Variants in LYN observed in about 807,000 individuals in gnomAD.
The protein encoded by LYN is tyrosine-protein kinase Lyn.
In LYN, 12 loss-of-function variants were observed where a neutral mutation model predicts 65.0. The observed-to-expected ratio is 0.18, with a 90% CI of 0.12 to 0.30. The LOEUF (loss-of-function observed/expected upper bound fraction) is 0.30, where lower values mean the gene tolerates loss of function less well. LYN is among the 10% of genes least tolerant of loss of function. The pLI is 1.00. For synonymous variants in LYN, 222 were observed against 221.2 expected, an observed-to-expected ratio of 1.00 and a Z score of -0.03; for missense variants, 380 against 623.2, an observed-to-expected ratio of 0.61 and a Z score of 4.16.
At position 56,012,012 on chromosome 8, in the gene LYN, A is replaced by G. The variant is rs781062725; in HGVS notation, c.*1902A>G. ...ATAACAAATTTATTTAAAGAAAATTATTAAATTTATCTTCGCCTTGTTTTG... is the reference window on the plus strand; with the variant it reads ...ATAACAAATTTATTTAAAGAAAATTGTTAAATTTATCTTCGCCTTGTTTTG... On this transcript the variant is annotated 3_prime_UTR_variant, in exon 13 of 13. Coordinates refer to ENST00000519728, the MANE Select transcript of LYN (RefSeq NM_002350.4). 6.4e-5 allele frequency: 12 copies of G among 188,492 alleles called. No individual in the cohort carries two copies. The highest frequency in any genetic ancestry group is 1.3e-4 in the Non-Finnish European group (12 of 89,670). The allele number at this position is 188,492 out of a possible 1,614,324, so 11.7% of individuals were successfully genotyped here. A position where few individuals can be genotyped will look rare whatever the true frequency, so the allele number is the denominator to read the frequency against.
At chr8:55,985,945 T>C (rs1322770666) in intron 10 of LYN, among the ~76,000 whole-genome samples, 1 of 152,090 alleles carries the variant, frequency 6.6e-6, no homozygotes, top group African/African-American at 2.4e-5. Flanking sequence ...GGCAGGAGGA[T>C]CAGTTGAACC....
chr8:55,988,098 A>G (rs1222965086), intron 10 of LYN, among the ~76,000 whole-genome samples: 1 of 152,254 alleles, frequency 6.6e-6, no homozygotes, highest in Non-Finnish European at 1.5e-5. Flanking sequence ...ACAAGAATGC[A>G]TGAGCTCTCT....
chr8:55,900,143 G>GCCC (rs1805219863), intron 1 of LYN, among the ~76,000 whole-genome samples: 1 of 152,074 alleles, frequency 6.6e-6, no homozygotes, highest in African/African-American at 2.4e-5. Flanking sequence ...AAACAAGAGA[G>GCCC]CCCCCAGTTC....
chr8:55,887,557 AATATAT>A (rs1196278216), intron 1 of LYN, among the ~76,000 whole-genome samples: 2 of 68,800 alleles, frequency 2.9e-5, no homozygotes, highest in Non-Finnish European at 5.8e-5. Context: ...TAAAAATATA[AATATAT>A]ATATATATAT....
At chr8:55,986,871 A>C (rs980115963) in intron 10 of LYN, among the ~76,000 whole-genome samples, 1 of 152,152 alleles carries the variant, frequency 6.6e-6, no homozygotes, top group African/African-American at 2.4e-5. Context: ...GACCACAAGC[A>C]TGTGCCACTA....
intron 1 of LYN, among the ~76,000 whole-genome samples, chr8:55,933,389 A>G (rs1260490453): frequency 2.0e-5 from 3 of 152,224 alleles, no homozygotes; most frequent in African/African-American, 7.2e-5. Context: ...GCCTATTTCT[A>G]TATGGTATTC....
intron 10 of LYN, among the ~76,000 whole-genome samples, chr8:55,983,723 C>T (rs1267962231): frequency 6.6e-6 from 1 of 152,196 alleles, no homozygotes; most frequent in Non-Finnish European, 1.5e-5. Flanking sequence ...GGACACTGTT[C>T]TCTGCTTTTC....
chr8:55,998,236 T>G, intron 10 of LYN, 110 bp from the exon 11 acceptor site: 3 of 767,216 alleles, frequency 3.9e-6, no homozygotes, highest in East Asian at 2.7e-5. Flanking sequence ...ATGATCAAAA[T>G]AGTATACATG....
intron 1 of LYN, among the ~76,000 whole-genome samples, chr8:55,929,243 C>T (rs576700984): frequency 2.6e-5 from 4 of 152,260 alleles, no homozygotes; most frequent in Admixed American, 1.3e-4. Flanking sequence ...AGCAGGGATC[C>T]GTAGAATAGA....
chr8:55,936,043 G>C (rs1248336563), intron 1 of LYN, among the ~76,000 whole-genome samples: 3 of 152,162 alleles, frequency 2.0e-5, no homozygotes, highest in African/African-American at 7.2e-5. Flanking sequence ...GACAATTAAA[G>C]GGTATCTAAA....
chr8:55,892,869 T>C (rs1359698923), intron 1 of LYN, among the ~76,000 whole-genome samples: 1 of 152,178 alleles, frequency 6.6e-6, no homozygotes, highest in Non-Finnish European at 1.5e-5. Context: ...AGAATCTAGC[T>C]GAATGCAAAG....
intron 1 of LYN, among the ~76,000 whole-genome samples, chr8:55,920,608 A>G (rs1563511096): frequency 6.6e-6 from 1 of 152,238 alleles, no homozygotes. Context: ...ATGTCTGTTA[A>G]TAAATGGAAG....
chr8:55,928,990 C>T (rs1806188945), intron 1 of LYN, among the ~76,000 whole-genome samples: 1 of 152,062 alleles, frequency 6.6e-6, no homozygotes. Flanking sequence ...TATTTACATA[C>T]TTATTTATTT....
At chr8:55,912,641 C>G (rs1490442016) in intron 1 of LYN, among the ~76,000 whole-genome samples, 2 of 151,174 alleles carry the variant, frequency 1.3e-5, no homozygotes, top group East Asian at 2.0e-4. Context: ...GCAGGAGACT[C>G]TCTTGAACCT....
At chr8:55,900,524 C>A (rs551304544) in intron 1 of LYN, among the ~76,000 whole-genome samples, 31 of 150,118 alleles carry the variant, frequency 2.1e-4, no homozygotes, top group African/African-American at 7.6e-4. Context: ...AGAGTCACAT[C>A]ACCATGCCCA....
intron 10 of LYN, among the ~76,000 whole-genome samples, chr8:55,996,254 C>A (rs1206983045): frequency 6.6e-6 from 1 of 152,140 alleles, no homozygotes; most frequent in Non-Finnish European, 1.5e-5. Context: ...GCCCACGGGG[C>A]AGAAGGTGAG....
chr8:55,933,018 A>G (rs1806314409), intron 1 of LYN, among the ~76,000 whole-genome samples: 1 of 152,218 alleles, frequency 6.6e-6, no homozygotes, highest in African/African-American at 2.4e-5. Flanking sequence ...TACTATGCTC[A>G]CTACCTGGAT....
chr8:55,880,037 C>T lies in LYN; in HGVS notation c.-72C>T. 1 of 308,786 alleles carries T rather than the reference C, an allele frequency of 3.2e-6. No homozygotes were observed. The highest frequency in any genetic ancestry group is 6.6e-6 in the Non-Finnish European group (1 of 151,902). The allele number at this position is 308,786 out of a possible 1,614,324, so 19.1% of individuals were successfully genotyped here. On this transcript the variant is annotated 5_prime_UTR_variant, in exon 1 of 13. Transcript: ENST00000519728. ...CGCAGGTCCTGCTGGGCCGCCCCGT[C>T]GCGCCCCCCACTCTGAACTCAAGTC... is the stretch of plus-strand genomic sequence containing the variant.
chr8:55,903,527 A>C (rs1563501913), intron 1 of LYN, among the ~76,000 whole-genome samples: 2 of 152,230 alleles, frequency 1.3e-5, no homozygotes, highest in Non-Finnish European at 2.9e-5. Context: ...AATAGTTTGA[A>C]AATTTGCTGC....
Sources: gnomAD v4.1 joint callset for allele counts (sites outside exome capture counted in the v4.1 genomes callset) on GRCh38, gnomAD v4.1.1 for gene constraint, MANE v1.5 for transcripts, NCBI Gene and HGNC (gene_info 2026-07-23, HGNC 2026-07-21) for gene names.